The following PLCL1 variants were observed in gnomAD, a reference collection of about 807,000 sequenced individuals.
PLCL1 encodes inactive phospholipase C-like protein 1.
In PLCL1, 41 loss-of-function variants were observed where a neutral mutation model predicts 84.4. The ratio of observed to expected loss-of-function variants is 0.49; its 90% CI spans 0.38 to 0.63. PLCL1 has a LOEUF of 0.63. Among genes scored for constraint, PLCL1 ranks in the 30% least tolerant of loss-of-function variants. The pLI, the probability that PLCL1 is intolerant of heterozygous loss-of-function variation, is 0.00. For missense variants in PLCL1, 1,206 were observed against 1,367.8 expected (o/e 0.88, Z 1.87); for synonymous variants, 490 against 488.3 (o/e 1.00, Z -0.05).
chr2:198,084,740 A>C lies in PLCL1; in HGVS notation c.1223A>C (p.Tyr408Ser). 6.2e-7 allele frequency: 1 copy of C among 1,614,132 alleles called. No individual in the cohort carries two copies. The highest frequency in any genetic ancestry group is 8.5e-7 in the Non-Finnish European group (1 of 1,179,988). The change falls in exon 2 of 6, where the codon TAT becomes TCT. Residue 408 changes from tyrosine (Y) to serine (S), a missense_variant. Coordinates refer to ENST00000428675, the MANE Select transcript of PLCL1 (RefSeq NM_006226.4). ...QDMTQPLSHY[Y>S]INASHNTYLI... ...ATGACCCAGCCATTATCTCACTACT[A>C]TATCAATGCCTCTCATAACACCTAT...
chr2:198,116,128 G>T (rs1693743434), intron 5 of PLCL1, among the ~76,000 whole-genome samples: 1 of 151,196 alleles, frequency 6.6e-6, no homozygotes, highest in South Asian at 2.1e-4. Flanking sequence ...AATGAAATTA[G>T]ATGCTACTTT....
At chr2:197,837,781 C>A (rs934996257) in intron 1 of PLCL1, among the ~76,000 whole-genome samples, 2 of 152,046 alleles carry the variant, frequency 1.3e-5, no homozygotes, top group African/African-American at 4.8e-5. Context: ...TATGTTAATC[C>A]TTAATTATCA....
intron 1 of PLCL1, among the ~76,000 whole-genome samples, chr2:197,834,093 G>GGGAAAACTGGCTCGCCATATGC (rs1691130286): frequency 6.6e-6 from 1 of 152,184 alleles, no homozygotes; most frequent in African/African-American, 2.4e-5. Context: ...AAATGGTGTT[G>GGGAAAACTGGCTCGCCATATGC]GGAAAACTGG....
intron 1 of PLCL1, among the ~76,000 whole-genome samples, chr2:197,984,459 G>A (rs561062311): frequency 6.6e-6 from 1 of 152,120 alleles, no homozygotes; most frequent in South Asian, 2.1e-4. Flanking sequence ...AACATTTTCA[G>A]TATTAAGAAA....
intron 1 of PLCL1, among the ~76,000 whole-genome samples, chr2:197,922,799 G>T (rs867904234): frequency 1.1e-5 from 1 of 93,048 alleles, no homozygotes; most frequent in African/African-American, 3.6e-5. Flanking sequence ...CCTCCCTCCC[G>T]GACGGGGCGG....
chr2:198,072,057 A>G (rs1692478040), intron 1 of PLCL1, among the ~76,000 whole-genome samples: 1 of 151,818 alleles, frequency 6.6e-6, no homozygotes, highest in Admixed American at 6.6e-5. Flanking sequence ...ATTTGATTGT[A>G]TTTGTCTGCT....
intron 1 of PLCL1, among the ~76,000 whole-genome samples, chr2:197,888,788 T>A (rs1485874267): frequency 6.6e-6 from 1 of 152,174 alleles, no homozygotes; most frequent in Non-Finnish European, 1.5e-5. Flanking sequence ...TGTTAGCATA[T>A]CTCATGATTC....
chr2:198,048,306 G>C (rs184140499), intron 1 of PLCL1, among the ~76,000 whole-genome samples: 63 of 152,294 alleles, frequency 4.1e-4, no homozygotes, highest in African/African-American at 1.4e-3. Context: ...TCTGGTAAGG[G>C]CCTGTTTCTC....
chr2:197,931,834 C>A (rs942299883), intron 1 of PLCL1, among the ~76,000 whole-genome samples: 4 of 152,238 alleles, frequency 2.6e-5, no homozygotes, highest in Admixed American at 2.6e-4. Flanking sequence ...TATTACTACA[C>A]AGGTCAGTTG....
intron 1 of PLCL1, among the ~76,000 whole-genome samples, chr2:198,029,352 A>G (rs753641755): frequency 2.0e-5 from 3 of 152,208 alleles, no homozygotes; most frequent in Non-Finnish European, 4.4e-5. Flanking sequence ...TCAGATTAGC[A>G]CAAACATACA....
At position 198,142,788 on chromosome 2, in the gene PLCL1, C is replaced by T. The variant is rs1268594738; in HGVS notation, c.3106-3992C>T. On this transcript the variant is annotated intron_variant, in intron 5 of 5. Coordinates refer to ENST00000428675, the MANE Select transcript of PLCL1 (RefSeq NM_006226.4). ...ACCCTCACTTTCCTTTGAGTTAAAGCATCCTTCTCTTTTTTTTTTTTCATG... is the reference window on the plus strand; with the variant it reads ...ACCCTCACTTTCCTTTGAGTTAAAGTATCCTTCTCTTTTTTTTTTTTCATG... Among the ~76,000 whole-genome samples, 3 of 152,070 alleles carry T rather than the reference C, an allele frequency of 2.0e-5. No homozygotes were observed. In the East Asian group the frequency reaches 5.8e-4, roughly 29 times the overall value.
At chr2:197,852,562 C>T (rs1687258491) in intron 1 of PLCL1, among the ~76,000 whole-genome samples, 1 of 152,198 alleles carries the variant, frequency 6.6e-6, no homozygotes, top group African/African-American at 2.4e-5. Flanking sequence ...ATTAATATAT[C>T]ATATTGCTTC....
rs2105952073 is a variant in PLCL1 at position 198,147,661 on chromosome 2, T to C, written c.*699T>C. 2 of 152,348 alleles carry C rather than the reference T, an allele frequency of 1.3e-5. No homozygotes were observed. The highest frequency in any genetic ancestry group is 4.1e-4 in the South Asian group (2 of 4,826). The allele number at this position is 152,348 out of a possible 1,614,324, so 9.4% of individuals were successfully genotyped here. On this transcript the variant is annotated 3_prime_UTR_variant, in exon 6 of 6. Transcript: ENST00000428675. ...TTTTAGGAAGTTTTCTGTAGTCATT[T>C]ACTAAACATATGATTTCACTAGAAA...
At chr2:197,974,854 A>G (rs1034360087) in intron 1 of PLCL1, among the ~76,000 whole-genome samples, 1 of 152,190 alleles carries the variant, frequency 6.6e-6, no homozygotes, top group African/African-American at 2.4e-5. Context: ...AGTAAGAGTG[A>G]TGCTTGGCCG....
intron 5 of PLCL1, among the ~76,000 whole-genome samples, chr2:198,115,269 G>A (rs973706687): frequency 6.6e-6 from 1 of 151,798 alleles, no homozygotes; most frequent in Non-Finnish European, 1.5e-5. Flanking sequence ...CAGGTAGTAG[G>A]TATCAATATT....
chr2:198,109,964 A>G (rs1693575466), intron 5 of PLCL1, among the ~76,000 whole-genome samples: 3 of 151,578 alleles, frequency 2.0e-5, no homozygotes, highest in Admixed American at 2.0e-4. Context: ...TAAATATTTT[A>G]TTACAAAGGA....
intron 1 of PLCL1, among the ~76,000 whole-genome samples, chr2:197,841,581 A>G (rs1361845700): frequency 6.6e-6 from 1 of 152,218 alleles, no homozygotes; most frequent in Non-Finnish European, 1.5e-5. Context: ...ATTCCATTGT[A>G]TGGATGTACC....
chr2:197,917,890 C>G (rs1688626254), intron 1 of PLCL1, among the ~76,000 whole-genome samples: 1 of 152,098 alleles, frequency 6.6e-6, no homozygotes, highest in South Asian at 2.1e-4. Flanking sequence ...CTTCCAATGG[C>G]CAACACTGGA....
chr2:197,918,971 T>TCTCTCTCTCTCTCTCTCTCTCTCA (rs373512508), intron 1 of PLCL1, among the ~76,000 whole-genome samples: 120 of 144,636 alleles, frequency 8.3e-4, no homozygotes, highest in Non-Finnish European at 1.4e-3. Flanking sequence ...TCTCTCTCCC[T>TCTCTCTCTCTCTCTCTCTCTCTCA]CACACACACA....
Sources: gnomAD v4.1 joint callset for allele counts (sites outside exome capture counted in the v4.1 genomes callset) on GRCh38, gnomAD v4.1.1 for gene constraint, MANE v1.5 for transcripts, NCBI Gene and HGNC (gene_info 2026-07-23, HGNC 2026-07-21) for gene names.